The following AKAP6 variants were observed in gnomAD, a reference collection of about 807,000 sequenced individuals.
AKAP6 encodes the protein A-kinase anchor protein 6.
AKAP6 carries 58 observed loss-of-function variants against 188.5 expected under a neutral mutation model. The observed-to-expected ratio is 0.31, with a 90% confidence interval of 0.25 to 0.38. The LOEUF (loss-of-function observed/expected upper bound fraction) is 0.38. Ranked by LOEUF, AKAP6 falls within the 10% of genes least tolerant of loss-of-function variation. The pLI is 1.00. For synonymous variants in AKAP6, 989 were observed against 998.6 expected (o/e 0.99, Z 0.18); for missense variants, 2,710 against 2,740.0 (o/e 0.99, Z 0.24).
intron 2 of AKAP6, among the ~76,000 whole-genome samples, chr14:32,533,494 G>A (rs1882524428): frequency 6.6e-6 from 1 of 152,168 alleles, no homozygotes; most frequent in South Asian, 2.1e-4. Flanking sequence ...GCAGAATCAG[G>A]TTTGGGTGAG....
At chr14:32,685,774 TC>T (rs1464262172) in intron 8 of AKAP6, among the ~76,000 whole-genome samples, 1 of 151,070 alleles carries the variant, frequency 6.6e-6, no homozygotes, top group East Asian at 1.9e-4. Flanking sequence ...TGGCTTTTAT[TC>T]AAGTCAGGCA....
intron 1 of AKAP6, among the ~76,000 whole-genome samples, chr14:32,361,807 G>C (rs533937984): frequency 1.2e-4 from 18 of 152,162 alleles, no homozygotes; most frequent in Non-Finnish European, 2.5e-4. Flanking sequence ...CATTCATTGA[G>C]AATCAGTGGG....
At chr14:32,443,158 G>A (rs914241393) in intron 2 of AKAP6, among the ~76,000 whole-genome samples, 3 of 152,058 alleles carry the variant, frequency 2.0e-5, no homozygotes, top group African/African-American at 7.2e-5. Context: ...TACTTTGGGC[G>A]GCCGAGGCAG....
chr14:32,711,015 A>C (rs2139751628), intron 9 of AKAP6, among the ~76,000 whole-genome samples: 1 of 152,218 alleles, frequency 6.6e-6, no homozygotes, highest in South Asian at 2.1e-4. Context: ...ACTATTTACT[A>C]TCTGCCTCCT....
intron 9 of AKAP6, among the ~76,000 whole-genome samples, chr14:32,725,479 C>T (rs1347304951): frequency 6.6e-6 from 1 of 152,112 alleles, no homozygotes; most frequent in Admixed American, 6.5e-5. Context: ...CACTATCCTC[C>T]TTCATGTTGA....
intron 12 of AKAP6, among the ~76,000 whole-genome samples, chr14:32,818,030 G>A (rs1201236358): frequency 6.6e-6 from 1 of 152,150 alleles, no homozygotes; most frequent in East Asian, 1.9e-4. Flanking sequence ...TGAGGAAATG[G>A]AGATTTTATT....
intron 11 of AKAP6, among the ~76,000 whole-genome samples, chr14:32,742,070 A>G (rs2139867249): frequency 6.6e-6 from 1 of 151,604 alleles, no homozygotes; most frequent in African/African-American, 2.4e-5. Context: ...TGGTCTCTTC[A>G]GGTTTTGGAT....
intron 5 of AKAP6, among the ~76,000 whole-genome samples, chr14:32,583,689 C>G (rs1254823571): frequency 2.6e-5 from 4 of 152,106 alleles, no homozygotes; most frequent in Non-Finnish European, 5.9e-5. Flanking sequence ...GCGGGTGCCC[C>G]TCCCCCAGCC....
intron 2 of AKAP6, among the ~76,000 whole-genome samples, chr14:32,476,371 T>C (rs1879067020): frequency 1.3e-5 from 2 of 152,182 alleles, no homozygotes. Context: ...GAGAAATGCA[T>C]AGTGCCTCCT....
At chr14:32,603,247 G>A (rs1886005288) in intron 7 of AKAP6, among the ~76,000 whole-genome samples, 1 of 152,090 alleles carries the variant, frequency 6.6e-6, no homozygotes. Flanking sequence ...TACTGGCTGT[G>A]GTATGGGACA....
intron 11 of AKAP6, among the ~76,000 whole-genome samples, chr14:32,749,720 C>G (rs1027784556): frequency 1.3e-5 from 2 of 152,104 alleles, no homozygotes; most frequent in Non-Finnish European, 2.9e-5. Flanking sequence ...AACAAATGTA[C>G]AGATCTATAA....
At chr14:32,624,017 CATG>C (rs1886915851) in intron 7 of AKAP6, among the ~76,000 whole-genome samples, 1 of 152,086 alleles carries the variant, frequency 6.6e-6, no homozygotes, top group South Asian at 2.1e-4. Context: ...ACAGTGATAA[CATG>C]AGTAAAAGTG....
At chr14:32,386,265 T>G (rs1172018366) in intron 1 of AKAP6, among the ~76,000 whole-genome samples, 2 of 151,964 alleles carry the variant, frequency 1.3e-5, no homozygotes, top group Non-Finnish European at 1.5e-5. Context: ...CATGCCAACA[T>G]CTATTATTTT....
chr14:32,334,586 T>C (rs8021139), intron 1 of AKAP6, among the ~76,000 whole-genome samples: 8,988 of 152,302 alleles, frequency 0.059, 375 homozygotes, highest in South Asian at 0.12. Context: ...TTAAACTTTA[T>C]CACAGGTATA....
intron 1 of AKAP6, among the ~76,000 whole-genome samples, chr14:32,395,878 C>T (rs536433322): frequency 6.6e-6 from 1 of 152,274 alleles, no homozygotes; most frequent in African/African-American, 2.4e-5. Flanking sequence ...CCCTACTACT[C>T]CATGAGTCCT....
At chr14:32,808,779 C>T in intron 12 of AKAP6, among the ~76,000 whole-genome samples, 1 of 152,102 alleles carries the variant, frequency 6.6e-6, no homozygotes, top group East Asian at 1.9e-4. Context: ...ACATTTGTGT[C>T]ATCACCGTAG....
intron 2 of AKAP6, among the ~76,000 whole-genome samples, chr14:32,487,243 A>G (rs1423158058): frequency 3.9e-5 from 6 of 152,338 alleles, no homozygotes; most frequent in Non-Finnish European, 8.8e-5. Flanking sequence ...AGATTTTCAC[A>G]TCAATGTTCA....
intron 4 of AKAP6, among the ~76,000 whole-genome samples, chr14:32,569,128 G>C (rs776160214): frequency 6.6e-6 from 1 of 152,124 alleles, no homozygotes; most frequent in East Asian, 1.9e-4. Context: ...ACATGATGCT[G>C]AGTTCAGAAT....
intron 7 of AKAP6, among the ~76,000 whole-genome samples, chr14:32,650,314 T>C (rs958226705): frequency 6.6e-6 from 1 of 152,128 alleles, no homozygotes; most frequent in Non-Finnish European, 1.5e-5. Flanking sequence ...GCATTCTGAC[T>C]TCTAGATGCT....
Sources: allele counts gnomAD v4.1 joint callset (sites outside exome capture counted in the v4.1 genomes callset), GRCh38; gene constraint gnomAD v4.1.1; transcripts MANE v1.5; gene names NCBI Gene and HGNC (gene_info 2026-07-23, HGNC 2026-07-21).